The following CRLF3 variants were observed in gnomAD, a reference collection of about 807,000 sequenced individuals.
CRLF3 encodes the protein cytokine receptor-like factor 3.
A neutral mutation model predicts 55.0 loss-of-function variants in CRLF3; 33 were observed. The ratio of observed to expected loss-of-function variants is 0.60; its 90% CI spans 0.46 to 0.80. The LOEUF is 0.80. CRLF3 is among the 30% of genes least tolerant of loss of function. The pLI is 0.00. For synonymous variants in CRLF3, 238 were observed against 196.8 expected (o/e 1.21, Z -1.75); for missense variants, 494 against 538.4 (o/e 0.92, Z 0.82).
chr17:30,805,109 G>A (rs1221660992), intron 1 of CRLF3, among the ~76,000 whole-genome samples: 2 of 152,122 alleles, frequency 1.3e-5, no homozygotes, highest in East Asian at 3.9e-4. Flanking sequence ...CTTGAACCTG[G>A]GAGATGGAGG....
chr17:30,792,692 A>G (rs1451015935), intron 5 of CRLF3, 120 bp from the exon 6 acceptor site: 11 of 837,072 alleles, frequency 1.3e-5, no homozygotes, highest in African/African-American at 8.4e-5. Context: ...GTCAAGTTCA[A>G]TAAAATAAAA....
At chr17:30,814,329 A>C (rs1399358896) in intron 1 of CRLF3, among the ~76,000 whole-genome samples, 1 of 152,136 alleles carries the variant, frequency 6.6e-6, no homozygotes, top group East Asian at 1.9e-4. Flanking sequence ...ATGACAAATT[A>C]GTCATATTCT....
chr17:30,797,295 G>A lies in CRLF3; in HGVS notation c.425+16C>T. On this transcript the variant is annotated intron_variant, in intron 3 of 7. Coordinates refer to ENST00000324238, the MANE Select transcript of CRLF3 (RefSeq NM_015986.4). ...AAATGCTTAAAAGTAAGTCAAAAAGGCACAAACTCTTTTACCTGTCCAACT... is the reference window on the plus strand; with the variant it reads ...AAATGCTTAAAAGTAAGTCAAAAAGACACAAACTCTTTTACCTGTCCAACT... 2 of 1,585,084 alleles carry A rather than the reference G, an allele frequency of 1.3e-6. No homozygotes were observed. The highest frequency in any genetic ancestry group is 1.1e-5 in the South Asian group (1 of 90,462).
chr17:30,793,177 A>G (rs1441885777), intron 5 of CRLF3, among the ~76,000 whole-genome samples: 1 of 151,948 alleles, frequency 6.6e-6, no homozygotes, highest in East Asian at 1.9e-4. Context: ...AAAAAAAAGA[A>G]TAAAAAGGAA....
In CRLF3 at chr17:30,792,427, A is replaced by G. The variant is rs1400212638; in HGVS notation, c.959+13T>C. ...CTTCCTGAGGCAGGTGAGATGTTTT[A>G]ATATCTACTTGCCTGAATGTTAATG... On this transcript the variant is annotated intron_variant, in intron 6 of 7. Coordinates refer to ENST00000324238, the MANE Select transcript of CRLF3 (RefSeq NM_015986.4). The G allele has an allele frequency of 6.3e-7, 1 of 1,598,678 alleles. No individual in the cohort carries two copies. Among genetic ancestry groups the G allele is most frequent in the East Asian group, 2.2e-5 (1 of 44,470 alleles).
chr17:30,789,569 C>T (rs956082296), intron 6 of CRLF3, among the ~76,000 whole-genome samples: 2 of 152,098 alleles, frequency 1.3e-5, no homozygotes, highest in Non-Finnish European at 2.9e-5. Flanking sequence ...AGTCTGGAGT[C>T]GAACTGCCTG....
At chr17:30,786,111 G>A in intron 6 of CRLF3, 80 bp from the exon 7 acceptor site, 1 of 784,616 alleles carries the variant, frequency 1.3e-6, no homozygotes, top group South Asian at 1.5e-5. Context: ...AGCTTAAAAA[G>A]AGCAATCTCA....
chr17:30,814,649 T>C (rs1207598125), intron 1 of CRLF3, among the ~76,000 whole-genome samples: 4 of 143,266 alleles, frequency 2.8e-5, no homozygotes, highest in Admixed American at 2.1e-4. Flanking sequence ...AGAGCAAGAC[T>C]CCACCTCAAA....
Position 30,796,353 on chromosome 17 carries a change from T to A in CRLF3, c.426-16A>T, listed in dbSNP as rs547167507. ...TTCTGGTAAGCTGAGGAAACAAAGC[T>A]CATGTGTTATGAGACCTCTAACTGA... On this transcript the variant is annotated splice_polypyrimidine_tract_variant and intron_variant, in intron 3 of 7. Transcript: ENST00000324238. The A allele has an allele frequency of 4.4e-6, 7 of 1,602,486 alleles. No individual in the cohort carries two copies. The African/African-American group carries it at 5.3e-5, about 12-fold the overall frequency.
intron 1 of CRLF3, among the ~76,000 whole-genome samples, chr17:30,807,618 T>C (rs892373150): frequency 1.4e-5 from 2 of 140,420 alleles, no homozygotes; most frequent in African/African-American, 5.3e-5. Context: ...CTGCAACCTC[T>C]GCCTTCTGGG....
At chr17:30,823,446 A>C (rs1905054653) in intron 1 of CRLF3, among the ~76,000 whole-genome samples, 1 of 151,648 alleles carries the variant, frequency 6.6e-6, no homozygotes, top group South Asian at 2.1e-4. Flanking sequence ...AAACATGTTG[A>C]GTCGTTAATG....
chr17:30,816,959 A>G (rs771977820), intron 1 of CRLF3, among the ~76,000 whole-genome samples: 2 of 152,134 alleles, frequency 1.3e-5, no homozygotes, highest in Non-Finnish European at 2.9e-5. Flanking sequence ...AAATCGCCCA[A>G]TGACACATTT....
At chr17:30,788,180 T>A (rs1971693643) in intron 6 of CRLF3, among the ~76,000 whole-genome samples, 2 of 150,646 alleles carry the variant, frequency 1.3e-5, no homozygotes, top group African/African-American at 4.9e-5. Flanking sequence ...TACAATAAAT[T>A]AGCCGGGCGT....
chr17:30,785,797 G>T, intron 7 of CRLF3, 122 bp downstream of exon 7: 16 of 475,242 alleles, frequency 3.4e-5, no homozygotes, highest in East Asian at 1.5e-4. Context: ...AAAAAAAAAA[G>T]AAAAAGAAAA....
chr17:30,824,218 C>A (rs1317161094), intron 1 of CRLF3, among the ~76,000 whole-genome samples: 4 of 151,726 alleles, frequency 2.6e-5, no homozygotes, highest in Non-Finnish European at 5.9e-5. Flanking sequence ...CCCGCATGAC[C>A]CCCTCGGATT....
At chr17:30,813,431 A>C (rs1472424395) in intron 1 of CRLF3, among the ~76,000 whole-genome samples, 1 of 152,244 alleles carries the variant, frequency 6.6e-6, no homozygotes, top group African/African-American at 2.4e-5. Flanking sequence ...GGGCAGCCAC[A>C]AACTGCCATC....
chr17:30,818,646 T>C (rs1873663194), intron 1 of CRLF3, among the ~76,000 whole-genome samples: 4 of 150,142 alleles, frequency 2.7e-5, no homozygotes. Flanking sequence ...TAAAGATAGG[T>C]TTTCATCGTA....
At chr17:30,803,696 C>G (rs1030306173) in intron 2 of CRLF3, 2 of 569,308 alleles carry the variant, frequency 3.5e-6, no homozygotes, top group East Asian at 6.0e-5. Flanking sequence ...AAACCCCTTT[C>G]GCTTGGCTCT....
In CRLF3 at chr17:30,785,996, C is replaced by CTA; in HGVS notation, c.993_994dup (p.Ser332IlefsTer3). The CTA allele has an allele frequency of 1.2e-6, 2 of 1,612,526 alleles. No homozygotes were observed. The highest frequency in any genetic ancestry group is 8.5e-7 in the Non-Finnish European group (1 of 1,178,668). On this transcript the variant is annotated frameshift_variant, in exon 7 of 8. Coordinates refer to ENST00000324238, the MANE Select transcript of CRLF3 (RefSeq NM_015986.4). LOFTEE classifies it high-confidence loss of function. ...CTGTTTTTCTGCACACACTCCTATGCTATCTCTTCTGTCTGGCTGTCCCAC... is the reference window on the plus strand; with the variant it reads ...CTGTTTTTCTGCACACACTCCTATGCTATATCTCTTCTGTCTGGCTGTCCCAC...
Sources: gnomAD v4.1 joint callset for allele counts (sites outside exome capture counted in the v4.1 genomes callset) on GRCh38, gnomAD v4.1.1 for gene constraint, MANE v1.5 for transcripts, NCBI Gene and HGNC (gene_info 2026-07-23, HGNC 2026-07-21) for gene names.